The following LAT2 variants were observed in gnomAD, a reference collection of about 807,000 sequenced individuals.
LAT2 encodes linker for activation of T cells family member 2.
A neutral mutation model predicts 43.4 loss-of-function variants in LAT2; 23 were observed. The observed-to-expected ratio is 0.53, with a 90% CI of 0.38 to 0.75. The LOEUF is 0.75. LAT2 is among the 30% of genes least tolerant of loss of function. LAT2 has a pLI of 0.00. For missense variants in LAT2, 284 were observed against 310.2 expected (o/e 0.92, Z 0.64); for synonymous variants, 128 against 123.2 (o/e 1.04, Z -0.26).
At chr7:74,223,608 G>T in intron 10 of LAT2, 116 bp from the exon 11 acceptor site, 5 of 961,016 alleles carry the variant, frequency 5.2e-6, no homozygotes, top group Non-Finnish European at 6.7e-6. Context: ...GACCCAGAGG[G>T]CTAGGGCTTG....
intron 4 of LAT2, 84 bp from the exon 5 acceptor site, chr7:74,219,660 C>T: frequency 6.5e-7 from 1 of 1,536,994 alleles, no homozygotes; most frequent in Admixed American, 1.7e-5. Flanking sequence ...CCCTCCTCAT[C>T]CCTGCCTGTC....
rs782606520 is a variant in LAT2, at chr7:74,220,005, C to G, written c.224C>G (p.Thr75Arg). The change falls in exon 6 of 14, where the codon ACA becomes AGA. Residue 75 changes from threonine (T) to arginine (R), a missense_variant. Coordinates refer to ENST00000460943, the MANE Select transcript of LAT2 (RefSeq NM_032464.3). The surrounding 1 kb of genome is among the most constrained non-coding windows in gnomAD (Gnocchi z 4.5). ...GGACCCCTGGCGGACATGGCACCCA[C>G]AAGGTAGGTCACAGTCCCCCAGGAA... ...WPGPLADMAPTRKDKLLQFYP... is the reference protein window; with the variant it reads ...WPGPLADMAPRRKDKLLQFYP... 5 of 1,613,528 alleles carry G rather than the reference C, an allele frequency of 3.1e-6. No individual in the cohort carries two copies. The Admixed American group carries it at 8.3e-5, about 27-fold the overall frequency.
chr7:74,224,316 G>A, intron 12 of LAT2, 119 bp downstream of exon 12: 1 of 1,105,784 alleles, frequency 9.0e-7, no homozygotes, highest in Non-Finnish European at 1.3e-6. Context: ...CCGCAGTGAT[G>A]CCTGGGTGCA....
chr7:74,213,698 C>T (rs1801821063), intron 1 of LAT2, among the ~76,000 whole-genome samples: 1 of 152,156 alleles, frequency 6.6e-6, no homozygotes, highest in South Asian at 2.1e-4. Context: ...GCTGGGATTA[C>T]AGGCGTGAGC....
At position 74,220,526 on chromosome 7, in the gene LAT2, G is replaced by A. The variant is rs377495580; in HGVS notation, c.266-58G>A. ...GGCCCTGCCTTGGGCTGCAGCACCCGAGCTGGGTGCAAAGCAGGGGCCAGG... is the reference window on the plus strand; with the variant it reads ...GGCCCTGCCTTGGGCTGCAGCACCCAAGCTGGGTGCAAAGCAGGGGCCAGG... On this transcript the variant is annotated intron_variant, in intron 7 of 13. Coordinates refer to ENST00000460943, the MANE Select transcript of LAT2 (RefSeq NM_032464.3). This position sits in a 1 kb window ranked among gnomAD's most constrained non-coding sequence, Gnocchi z 4.5. 2.0e-4 allele frequency: 327 copies of A among 1,604,846 alleles called. No individual in the cohort carries two copies. Among genetic ancestry groups the A allele is most frequent in the Non-Finnish European group, 2.0e-4 (240 of 1,172,616 alleles).
At chr7:74,228,025 A>T (rs1375718754) in intron 13 of LAT2, among the ~76,000 whole-genome samples, 3 of 150,860 alleles carry the variant, frequency 2.0e-5, no homozygotes, top group Non-Finnish European at 2.9e-5. Flanking sequence ...AAAATACAAA[A>T]ATTAGCCAGG....
intron 12 of LAT2, 31 bp from the exon 13 acceptor site, chr7:74,224,608 C>G (rs1466573378): frequency 1.3e-6 from 2 of 1,546,256 alleles, no homozygotes. Flanking sequence ...ATGTGAACCA[C>G]TCGATGACCT....
rs1554715633 is a variant in LAT2 at position 74,223,715 on chromosome 7, C to T, written c.389-9C>T. 18 of 1,613,864 alleles carry T rather than the reference C, an allele frequency of 1.1e-5. No homozygotes were observed. In the Middle Eastern group the frequency reaches 4.9e-4, roughly 44 times the overall value. On this transcript the variant is annotated splice_polypyrimidine_tract_variant and intron_variant, in intron 10 of 13. Transcript: ENST00000460943. ...CACACCCCCGTGCCCACTCCTCTCT[C>T]TCCTGCAGATGATGATGCCAATTCC...
chr7:74,216,629 A>G (rs562137564), intron 3 of LAT2, among the ~76,000 whole-genome samples, 196 bp from the exon 4 acceptor site: 3 of 152,198 alleles, frequency 2.0e-5, no homozygotes, highest in Admixed American at 2.0e-4. Flanking sequence ...GCCTCGGCCC[A>G]AAGTGCTGGA....
In LAT2 at chr7:74,224,028, G is replaced by C. The variant is rs377055135; in HGVS notation, c.459G>C (p.Gln153His). The C allele has an allele frequency of 9.3e-6, 15 of 1,613,774 alleles. No individual in the cohort carries two copies. The highest frequency in any genetic ancestry group is 1.3e-5 in the Non-Finnish European group (15 of 1,179,938). Residue 153 changes from glutamine to histidine, a missense_variant, in exon 12 of 14, where the codon CAG becomes CAC. Gln to His is a conservative substitution (Grantham distance 24). Coordinates refer to ENST00000460943, the MANE Select transcript of LAT2 (RefSeq NM_032464.3). ...TCTCCCTCTCTGCAGGTGCCCAGCA[G>C]GAGGGCATAGGTGGCCTCTGCAGAG... Reference protein sequence around the residue: ...KQKTTETGAQQEGIGGLCRGD... With the variant: ...KQKTTETGAQHEGIGGLCRGD...
chr7:74,227,855 A>G (rs1270756206), intron 13 of LAT2, among the ~76,000 whole-genome samples: 1 of 147,600 alleles, frequency 6.8e-6, no homozygotes, highest in Non-Finnish European at 1.5e-5. Context: ...CCTGGGCCAC[A>G]GAGCAAGACG....
intron 13 of LAT2, among the ~76,000 whole-genome samples, chr7:74,228,658 G>C (rs1224566657): frequency 6.9e-6 from 1 of 145,448 alleles, no homozygotes; most frequent in Admixed American, 6.9e-5. Flanking sequence ...TTAGCTGGGC[G>C]TGGTGGCGTA....
chr7:74,216,629 A>C (rs562137564), intron 3 of LAT2, among the ~76,000 whole-genome samples, 196 bp from the exon 4 acceptor site: 7 of 152,080 alleles, frequency 4.6e-5, no homozygotes, highest in African/African-American at 1.7e-4. Flanking sequence ...GCCTCGGCCC[A>C]AAGTGCTGGA....
intron 1 of LAT2, among the ~76,000 whole-genome samples, chr7:74,212,264 T>G (rs1337485918): frequency 1.3e-5 from 2 of 151,536 alleles, no homozygotes; most frequent in East Asian, 3.9e-4. Context: ...TATTTATTCA[T>G]TTATTTAATT....
intron 1 of LAT2, 36 bp from the exon 2 acceptor site, chr7:74,214,786 T>TAAAC (rs1563968830): frequency 1.0e-4 from 9 of 87,952 alleles, no homozygotes; most frequent in African/African-American, 4.2e-4. Flanking sequence ...AATATATATA[T>TAAAC]ATATATTTTT....
chr7:74,224,134 G>A lies in LAT2; in HGVS notation c.565G>A (p.Glu189Lys), dbSNP rs575670790. 6.2e-7 allele frequency: 1 copy of A among 1,614,164 alleles called. No individual in the cohort carries two copies. The highest frequency in any genetic ancestry group is 1.1e-5 in the South Asian group (1 of 91,082). The change falls in exon 12 of 14, where the codon GAA becomes AAA. Residue 189 changes from glutamate (E) to lysine (K), a missense_variant. Glu to Lys is a moderately conservative substitution (Grantham distance 56). Coordinates refer to ENST00000460943, the MANE Select transcript of LAT2 (RefSeq NM_032464.3). Reference protein sequence around the residue: ...CPSASPEEDEESEDYQNSASI... With the variant: ...CPSASPEEDEKSEDYQNSASI... ...CTCTGCCTCCCCGGAAGAAGATGAG[G>A]AATCTGAGGATTATCAGAACTCAGC...
chr7:74,219,105 C>T (rs1200606056), intron 4 of LAT2, among the ~76,000 whole-genome samples: 5 of 131,558 alleles, frequency 3.8e-5, no homozygotes, highest in African/African-American at 1.1e-4. Context: ...GGTGCAATCT[C>T]GGCTCACTGC....
intron 13 of LAT2, among the ~76,000 whole-genome samples, chr7:74,226,946 C>G (rs1369155212): frequency 6.6e-6 from 1 of 151,314 alleles, no homozygotes; most frequent in Non-Finnish European, 1.5e-5. Flanking sequence ...TGAGGGGAAA[C>G]TAGTGGAGGT....
chr7:74,211,259 G>C (rs1396882265), intron 1 of LAT2, among the ~76,000 whole-genome samples: 1 of 151,926 alleles, frequency 6.6e-6, no homozygotes, highest in Non-Finnish European at 1.5e-5. Context: ...GAGACACAAA[G>C]GGAGACAGAG....
Sources: allele counts gnomAD v4.1 joint callset (sites outside exome capture counted in the v4.1 genomes callset), GRCh38; gene constraint gnomAD v4.1.1; non-coding constraint Gnocchi (gnomAD v3.1); transcripts MANE v1.5; gene names NCBI Gene and HGNC (gene_info 2026-07-23, HGNC 2026-07-21).